The following IQSEC2 variants were observed in gnomAD, a reference collection of about 807,000 sequenced individuals.
The protein encoded by IQSEC2 is IQ motif and SEC7 domain-containing protein 2.
In IQSEC2, 6 loss-of-function variants were observed where a neutral mutation model predicts 74.6. The ratio of observed to expected loss-of-function variants is 0.08; its 90% CI spans 0.04 to 0.16. The LOEUF (loss-of-function observed/expected upper bound fraction) is 0.16. Among genes scored for constraint, IQSEC2 ranks in the 10% least tolerant of loss-of-function variants. The probability of loss-of-function intolerance (pLI) is 1.00; values close to 1 mark genes in which losing one functional copy is unlikely to be tolerated. For synonymous variants in IQSEC2, 494 were observed against 544.5 expected, an observed-to-expected ratio of 0.91 and a Z score of 1.29; for missense variants, 734 against 1,306.2, an observed-to-expected ratio of 0.56 and a Z score of 6.75.
At chrX:53,310,177 C>T (rs781910433) in intron 1 of IQSEC2, among the ~76,000 whole-genome samples, 1 of 110,803 alleles carries the variant, frequency 9.0e-6, no homozygotes, top group Admixed American at 9.7e-5. Context: ...ATTGCTTGAG[C>T]CTAAGAGTTC....
Position 53,234,375 on chromosome X carries a change from A to G in IQSEC2, c.4311T>C (p.Tyr1437=), listed in dbSNP as rs1556858993. 3.2e-5 allele frequency: 6 copies of G among 190,313 alleles called. No homozygotes were observed. The South Asian group carries it at 4.5e-4, about 14-fold the overall frequency. The allele number at this position is 190,313 out of a possible 1,213,427, so 15.7% of individuals were successfully genotyped here. A position where few individuals can be genotyped will look rare whatever the true frequency, so the allele number is the denominator to read the frequency against. Reference sequence around the variant, plus strand: ...GAGGGGAGGGTGGGGGGAGGGGTGGATAGGAGGGGTGGGGTGGGATGGGTG... The same window carrying G: ...GAGGGGAGGGTGGGGGGAGGGGTGGGTAGGAGGGGTGGGGTGGGATGGGTG... ...PHSPIPPHPS[Y]PPLPPPSPHT... The change falls in exon 15 of 15, where the codon TAT becomes TAC. Residue 1437 remains tyrosine (Y), a synonymous_variant. Transcript: ENST00000642864.
chrX:53,279,526 G>A, intron 2 of IQSEC2: 1 of 865,258 alleles, frequency 1.2e-6, no homozygotes, highest in Non-Finnish European at 1.7e-6. Context: ...TTGTCTGGAA[G>A]GAGGAGGAAT....
rs782463524 is a variant in IQSEC2 at position 53,320,178 on chromosome X, C to G, written c.707+239G>C. Reference sequence around the variant, plus strand: ...GGCGGGGGAGGCGGCGATGACTGCTCTAGTCCCTCGCTGGCCGCGGTACCG... The same window carrying G: ...GGCGGGGGAGGCGGCGATGACTGCTGTAGTCCCTCGCTGGCCGCGGTACCG... On this transcript the variant is annotated intron_variant, in intron 1 of 14. Coordinates refer to ENST00000642864, the MANE Select transcript of IQSEC2 (RefSeq NM_001111125.3). Among the ~76,000 whole-genome samples, 6 of 111,410 alleles carry G rather than the reference C, an allele frequency of 5.4e-5. No individual in the cohort carries two copies. In the East Asian group the frequency reaches 1.4e-3, roughly 26 times the overall value.
chrX:53,286,763 A>G (rs1190368544), intron 2 of IQSEC2, among the ~76,000 whole-genome samples: 1 of 110,087 alleles, frequency 9.1e-6, no homozygotes, highest in Non-Finnish European at 1.9e-5. Context: ...AAAATGGTGA[A>G]ACCCCATCTC....
chrX:53,314,439 C>A (rs1424977913), intron 1 of IQSEC2, among the ~76,000 whole-genome samples: 4 of 111,313 alleles, frequency 3.6e-5, no homozygotes, highest in Non-Finnish European at 7.5e-5. Flanking sequence ...ATGTAAACAA[C>A]CATGAAGGAA....
Position 53,320,842 on chromosome X carries a change from C to G in IQSEC2, c.282G>C (p.Glu94Asp). 1.5e-5 allele frequency: 17 copies of G among 1,164,900 alleles called. No individual in the cohort carries two copies. The highest frequency in any genetic ancestry group is 2.0e-5 in the Non-Finnish European group (17 of 871,413). Residue 94 changes from glutamate (E) to aspartate (D), a missense_variant, in exon 1 of 15, where the codon GAG (glutamate) becomes GAC (aspartate). Around this residue, in one of 12 missense-constraint regions of IQSEC2, gnomAD observed 134 missense variants for 214.9 expected, o/e 0.62. Transcript: ENST00000642864. ...GCAGCTCGCGGTGGTGGAACTGGGT[C>G]TCGCGCAGGTTCTGGTACTGGCTCT... Reference protein sequence around the residue: ...GRESQYQNLRETQFHHRELRE... With the variant: ...GRESQYQNLRDTQFHHRELRE...
chrX:53,269,104 C>T (rs2074702029), intron 2 of IQSEC2, among the ~76,000 whole-genome samples: 1 of 112,028 alleles, frequency 8.9e-6, no homozygotes. Flanking sequence ...TTTCACATCT[C>T]TATGTGTGTG....
At chrX:53,255,348 C>G (rs1287921140) in intron 3 of IQSEC2, among the ~76,000 whole-genome samples, 2 of 111,447 alleles carry the variant, frequency 1.8e-5, no homozygotes, top group African/African-American at 3.3e-5. Context: ...TTCCAAACAC[C>G]TAAGCATAAC....
chrX:53,236,238 G>C (rs1053873226), intron 13 of IQSEC2, 84 bp downstream of exon 13: 15 of 1,014,563 alleles, frequency 1.5e-5, no homozygotes, highest in Non-Finnish European at 1.9e-5. Flanking sequence ...CAGGTGGAGG[G>C]AAGGCTGGCG....
chrX:53,303,859 A>G (rs2075235260), intron 1 of IQSEC2, among the ~76,000 whole-genome samples: 1 of 109,183 alleles, frequency 9.2e-6, no homozygotes, highest in South Asian at 4.0e-4. Context: ...AGCCAGGCGC[A>G]GTGGCTCACG....
In IQSEC2 at chrX:53,241,917, G is replaced by A; in HGVS notation, c.2890-8C>T. On this transcript the variant is annotated splice_region_variant and splice_polypyrimidine_tract_variant and intron_variant, in intron 9 of 14. Coordinates refer to ENST00000642864, the MANE Select transcript of IQSEC2 (RefSeq NM_001111125.3). ...GTGAGGGAGAGACAGGACCTAGACA[G>A]GCATGAAGAAACAGGTGTCAGCAAG... 8.3e-7 allele frequency: 1 copy of A among 1,207,158 alleles called. No individual in the cohort carries two copies.
chrX:53,266,580 A>G, intron 2 of IQSEC2: 1 of 766,449 alleles, frequency 1.3e-6, no homozygotes, highest in Non-Finnish European at 1.5e-6. Flanking sequence ...GTTTGTGCTC[A>G]CAGAGGACAG....
intron 2 of IQSEC2, among the ~76,000 whole-genome samples, chrX:53,284,940 A>G (rs2075010955): frequency 8.9e-6 from 1 of 112,351 alleles, no homozygotes; most frequent in East Asian, 2.8e-4. Context: ...TCTGGACTTA[A>G]GCAACCAGGG....
chrX:53,275,549 TCCC>T (rs1556869359), intron 2 of IQSEC2, among the ~76,000 whole-genome samples: 32 of 111,533 alleles, frequency 2.9e-4, no homozygotes, highest in African/African-American at 1.0e-3. Context: ...ATTTATTGAC[TCCC>T]CACTGATTTG....
intron 2 of IQSEC2, among the ~76,000 whole-genome samples, chrX:53,286,954 A>AG (rs1180185484): frequency 5.7e-5 from 6 of 105,885 alleles, no homozygotes; most frequent in Non-Finnish European, 1.2e-4. Context: ...AAAAAAAAAA[A>AG]AAAGAAAAAG....
At position 53,251,186 on chromosome X, in the gene IQSEC2, G is replaced by C. The variant is rs782487173; in HGVS notation, c.1402-12C>G. On this transcript the variant is annotated splice_polypyrimidine_tract_variant and intron_variant, in intron 4 of 14. Coordinates refer to ENST00000642864, the MANE Select transcript of IQSEC2 (RefSeq NM_001111125.3). Reference sequence around the variant, plus strand: ...GCCAGAGACTTTACCTGTGCAAGGGGGGGAGGAGAGGAGGGAAAGGGAGAG... The same window carrying C: ...GCCAGAGACTTTACCTGTGCAAGGGCGGGAGGAGAGGAGGGAAAGGGAGAG... The C allele has an allele frequency of 4.2e-6, 5 of 1,201,213 alleles. No individual in the cohort carries two copies. Among genetic ancestry groups the C allele is most frequent in the Admixed American group, 2.2e-5 (1 of 45,738 alleles).
At chrX:53,312,311 ACCTGTGGCCC>A (rs1487656725) in intron 1 of IQSEC2, among the ~76,000 whole-genome samples, 1 of 111,420 alleles carries the variant, frequency 9.0e-6, no homozygotes, top group Non-Finnish European at 1.9e-5. Flanking sequence ...TCCTTTGAGC[ACCTGTGGCCC>A]CCTGTGCTCC....
intron 1 of IQSEC2, among the ~76,000 whole-genome samples, chrX:53,301,183 G>A (rs2075207353): frequency 8.9e-6 from 1 of 112,227 alleles, no homozygotes; most frequent in African/African-American, 3.2e-5. Context: ...GAGGCGGGGG[G>A]CATAAGAATC....
intron 9 of IQSEC2, among the ~76,000 whole-genome samples, chrX:53,242,828 C>T (rs1272221501): frequency 2.7e-5 from 3 of 111,680 alleles, no homozygotes; most frequent in African/African-American, 9.8e-5. Flanking sequence ...CTCCGCCTCC[C>T]GGGTTCAAGC....
Sources: gnomAD v4.1 joint callset for allele counts (sites outside exome capture counted in the v4.1 genomes callset) on GRCh38, gnomAD v4.1.1 for gene constraint, gnomAD v4.1.1 regional missense constraint, MANE v1.5 for transcripts, NCBI Gene and HGNC (gene_info 2026-07-23, HGNC 2026-07-21) for gene names.